Variants in SAMD5 observed in about 807,000 individuals in gnomAD.
SAMD5 encodes the protein sterile alpha motif domain containing 5.
Under a neutral mutation model 11.3 loss-of-function variants are expected in SAMD5, and 13 were observed. The ratio of observed to expected loss-of-function variants is 1.15; its 90% CI spans 0.75 to 1.83. The LOEUF is 1.83. Ranked by LOEUF, SAMD5 falls within the 40% of genes most tolerant of loss-of-function variation. SAMD5 has a pLI of 0.00. For synonymous variants in SAMD5, 129 were observed against 111.3 expected (o/e 1.16, Z -1.00); for missense variants, 255 against 239.1 (o/e 1.07, Z -0.44).
At chr6:147,633,406 A>G in intron 1 of SAMD5, among the ~76,000 whole-genome samples, 1 of 152,130 alleles carries the variant, frequency 6.6e-6, no homozygotes, top group East Asian at 1.9e-4. Flanking sequence ...CAGCGGGGGA[A>G]ATAGCCAATG....
At chr6:147,695,435 T>C (rs1211608740) in intron 1 of SAMD5, among the ~76,000 whole-genome samples, 4 of 152,220 alleles carry the variant, frequency 2.6e-5, no homozygotes, top group Non-Finnish European at 4.4e-5. Context: ...TACCATAGCT[T>C]TTGCTTTTTG....
chr6:147,746,693 A>G, the SAMD5 span, among the ~76,000 whole-genome samples: 3 of 152,216 alleles, frequency 2.0e-5, no homozygotes, highest in East Asian at 5.8e-4. Flanking sequence ...AAGGTCTCAG[A>G]AGACATTTAA....
chr6:147,586,079 G>A (rs1366561151), intron 1 of SAMD5, among the ~76,000 whole-genome samples: 11 of 152,260 alleles, frequency 7.2e-5, no homozygotes, highest in Admixed American at 3.9e-4. Flanking sequence ...CCATTGTAGG[G>A]CGCCATGATT....
chr6:147,839,243 C>T, the SAMD5 span, among the ~76,000 whole-genome samples: 6 of 152,190 alleles, frequency 3.9e-5, no homozygotes, highest in African/African-American at 1.4e-4. Context: ...CTTTTCTCAT[C>T]GTCTTGAGAC....
At chr6:147,678,596 T>A (rs1790897784) in intron 1 of SAMD5, among the ~76,000 whole-genome samples, 1 of 152,194 alleles carries the variant, frequency 6.6e-6, no homozygotes, top group Non-Finnish European at 1.5e-5. Flanking sequence ...GGACCTCATC[T>A]ATACCTGTTA....
At chr6:147,647,449 A>G (rs1414516086) in intron 1 of SAMD5, among the ~76,000 whole-genome samples, 2 of 152,066 alleles carry the variant, frequency 1.3e-5, no homozygotes, top group Non-Finnish European at 2.9e-5. Context: ...CTGATGAAGC[A>G]ATCAGGTTTG....
Position 147,566,627 on chromosome 6 carries a change from A to C in SAMD5, c.*2171A>C. On this transcript the variant is annotated 3_prime_UTR_variant, in exon 2 of 2. Coordinates refer to ENST00000367474, the MANE Select transcript of SAMD5 (RefSeq NM_001030060.3). ...AATATCTAACTTCAATTATTTTGCC[A>C]GGTTTAAACCTTCTCTCTGTGTCTG... 1 of 980,658 alleles carries C rather than the reference A, an allele frequency of 1.0e-6. No homozygotes were observed. Among genetic ancestry groups the C allele is most frequent in the South Asian group, 4.7e-5 (1 of 21,190 alleles). 60.7% of individuals were successfully genotyped at this position (980,658 alleles called of 1,614,324 possible).
chr6:147,647,065 G>A (rs1349848226), intron 1 of SAMD5, among the ~76,000 whole-genome samples: 2 of 151,772 alleles, frequency 1.3e-5, no homozygotes, highest in East Asian at 3.9e-4. Flanking sequence ...TACTCAGGAG[G>A]CTGAGGCAGG....
chr6:147,634,023 CT>C (rs762391577), intron 1 of SAMD5, among the ~76,000 whole-genome samples: 4 of 152,108 alleles, frequency 2.6e-5, no homozygotes, highest in African/African-American at 4.8e-5. Flanking sequence ...TACTAATCTC[CT>C]TTCTGCTTCT....
intron 1 of SAMD5, among the ~76,000 whole-genome samples, chr6:147,715,785 C>T (rs767456302): frequency 5.3e-5 from 8 of 152,136 alleles, no homozygotes; most frequent in Non-Finnish European, 1.0e-4. Context: ...GTCCTTTCTG[C>T]AGGTGGGGTG....
intron 1 of SAMD5, among the ~76,000 whole-genome samples, chr6:147,587,783 C>T (rs1237694873): frequency 3.9e-5 from 6 of 152,064 alleles, no homozygotes; most frequent in Non-Finnish European, 5.9e-5. Flanking sequence ...GACTATTTGA[C>T]GTAGTTTGTT....
chr6:147,597,823 C>T (rs1789554409), intron 1 of SAMD5, among the ~76,000 whole-genome samples: 1 of 152,174 alleles, frequency 6.6e-6, no homozygotes, highest in African/African-American at 2.4e-5. Flanking sequence ...CAGGGAGTCA[C>T]GATCCAGTAG....
the SAMD5 span, among the ~76,000 whole-genome samples, chr6:147,802,226 G>C: frequency 1.7e-4 from 26 of 152,124 alleles, no homozygotes; most frequent in South Asian, 5.0e-3. Context: ...CAAAATACCT[G>C]ATTTTTTTCA....
downstream of SAMD5, among the ~76,000 whole-genome samples, chr6:147,739,172 T>G (rs1225777056): frequency 6.6e-6 from 1 of 152,230 alleles, no homozygotes; most frequent in Non-Finnish European, 1.5e-5. Flanking sequence ...TAGTTCTGTT[T>G]TCCTTGAGCC....
chr6:147,878,596 C>CATATATATCTATATAGATATATACGT, the SAMD5 span, among the ~76,000 whole-genome samples: 1 of 143,672 alleles, frequency 7.0e-6, no homozygotes, highest in African/African-American at 2.6e-5. Context: ...GATATATATA[C>CATATATATCTATATAGATATATACGT]ATATATATCT....
chr6:147,646,018 CTATCTATG>C (rs1371982450), intron 1 of SAMD5, among the ~76,000 whole-genome samples: 4,751 of 19,870 alleles, frequency 0.24, 192 homozygotes, highest in African/African-American at 0.46. Flanking sequence ...GTCTATGTAT[CTATCTATG>C]TATCTATCTA....
At chr6:147,605,239 G>C (rs1789682497) in intron 1 of SAMD5, among the ~76,000 whole-genome samples, 1 of 151,922 alleles carries the variant, frequency 6.6e-6, no homozygotes, top group Admixed American at 6.6e-5. Flanking sequence ...CATCCTCCTG[G>C]GTAACTGGGA....
chr6:147,687,864 G>A (rs1489740229), intron 1 of SAMD5, among the ~76,000 whole-genome samples: 1 of 152,096 alleles, frequency 6.6e-6, no homozygotes, highest in Admixed American at 6.6e-5. Flanking sequence ...CCTTCTAATG[G>A]CAACATGAAA....
the SAMD5 span, among the ~76,000 whole-genome samples, chr6:147,929,003 T>C: frequency 6.6e-6 from 1 of 151,990 alleles, no homozygotes; most frequent in African/African-American, 2.4e-5. Flanking sequence ...TTGACTTCTA[T>C]TTTTATTGGT....
Sources: gnomAD v4.1 joint callset for allele counts (sites outside exome capture counted in the v4.1 genomes callset) on GRCh38, gnomAD v4.1.1 for gene constraint, MANE v1.5 for transcripts, NCBI Gene and HGNC (gene_info 2026-07-23, HGNC 2026-07-21) for gene names.